Variants in C1QTNF12 observed in about 807,000 individuals in gnomAD.
The protein encoded by C1QTNF12 is adipolin.
A neutral mutation model predicts 34.3 loss-of-function variants in C1QTNF12; 39 were observed. The observed-to-expected ratio is 1.14, with a 90% CI of 0.88 to 1.49. The LOEUF (loss-of-function observed/expected upper bound fraction) is 1.49. Among genes scored for constraint, C1QTNF12 ranks in the 40% most tolerant of loss-of-function variants. The pLI, the probability that C1QTNF12 is intolerant of heterozygous loss-of-function variation, is 0.00. For missense variants in C1QTNF12, 497 were observed against 424.7 expected (o/e 1.17, Z -1.50); for synonymous variants, 220 against 196.9 (o/e 1.12, Z -0.98).
chr1:1,242,749 G>C (rs1638771197), intron 7 of C1QTNF12, 86 bp downstream of exon 7: 2 of 1,563,930 alleles, frequency 1.3e-6, no homozygotes, highest in Non-Finnish European at 1.8e-6. Flanking sequence ...AGGCCCCAGA[G>C]GTCTGCGCCC....
At position 1,246,251 on chromosome 1, in the gene C1QTNF12, GC is replaced by G. The variant is rs1470615497; in HGVS notation, c.177+262del. 6.6e-6 allele frequency among the ~76,000 whole-genome samples: 1 copy of G among 151,602 alleles called. No individual in the cohort carries two copies. The highest frequency in any genetic ancestry group is 1.5e-5 in the Non-Finnish European group (1 of 67,944). ...CCCACGCTTCAAAGGGTTAACTGCG[GC>G]CCCCAACCGCGGGAAGCCCCCTTCA... On this transcript the variant is annotated intron_variant, in intron 1 of 7. Transcript: ENST00000330388. This position sits in a 1 kb window ranked among gnomAD's most constrained non-coding sequence, Gnocchi z 4.5.
intron 4 of C1QTNF12, 123 bp downstream of exon 4, chr1:1,243,831 C>T (rs1638805920): frequency 5.5e-6 from 7 of 1,276,776 alleles, no homozygotes; most frequent in Non-Finnish European, 7.5e-6. Context: ...CCCTCGCCCT[C>T]CGAGCCCCGC....
Position 1,246,613 on chromosome 1 carries a change from C to T in C1QTNF12, c.78G>A (p.Arg26=), listed in dbSNP as rs1256935934. ...QLVLLGGVGA[R]REAQRTQQPG... ...GCTGCTGCGTCCTCTGTGCCTCCCG[C>T]CGGGCCCCGACGCCCCCGAGGAGCA... The change falls in exon 1 of 8, where the codon CGG becomes CGA. Residue 26 remains arginine, a synonymous_variant. Coordinates refer to ENST00000330388, the MANE Select transcript of C1QTNF12 (RefSeq NM_001014980.3). This position sits in a 1 kb window ranked among gnomAD's most constrained non-coding sequence, Gnocchi z 4.5. 1 of 1,245,616 alleles carries T rather than the reference C, an allele frequency of 8.0e-7. No homozygotes were observed. The allele number at this position is 1,245,616 out of a possible 1,614,324, so 77.2% of individuals were successfully genotyped here.
chr1:1,243,353 G>C, intron 5 of C1QTNF12, 91 bp downstream of exon 5: 1 of 1,267,618 alleles, frequency 7.9e-7, no homozygotes, highest in Non-Finnish European at 1.1e-6. Flanking sequence ...TCCCTAACAG[G>C]ACCCGCACCC....
In C1QTNF12 at chr1:1,244,016, G is replaced by T; in HGVS notation, c.469C>A (p.Arg157=). 1 of 1,599,456 alleles carries T rather than the reference G, an allele frequency of 6.3e-7. No individual in the cohort carries two copies. The highest frequency in any genetic ancestry group is 8.5e-7 in the Non-Finnish European group (1 of 1,174,632). The part of the protein sequence containing the change: ...LRLVGEAFHC[R]LQGPRRVDKR... ...TCCACCCGGCGGGGACCCTGCAGCCGGCAGTGAAAGGCCTCGCCCACCAGC... is the reference window on the plus strand; with the variant it reads ...TCCACCCGGCGGGGACCCTGCAGCCTGCAGTGAAAGGCCTCGCCCACCAGC... Residue 157 remains arginine, a synonymous_variant, in exon 4 of 8, where the codon CGG becomes AGG. Transcript: ENST00000330388.
At chr1:1,244,338 C>T in intron 2 of C1QTNF12, 43 bp downstream of exon 2, 1 of 1,597,630 alleles carries the variant, frequency 6.3e-7, no homozygotes, top group Non-Finnish European at 8.6e-7. Flanking sequence ...CCACCACACC[C>T]TGTCCGGGGC....
chr1:1,247,070 G>A (rs891115146), upstream of C1QTNF12, among the ~76,000 whole-genome samples: 4 of 152,102 alleles, frequency 2.6e-5, no homozygotes, highest in African/African-American at 9.7e-5. Context: ...ACTGACCCCG[G>A]CCGCTGCTTC....
Position 1,242,997 on chromosome 1 carries a change from G to A in C1QTNF12, c.731+65C>T, listed in dbSNP as rs1638778869. ...GCTCCAGTGCCCAGAGACCCCTGTG[G>A]CCTGTGAGCCCCTCCAAGGGTGGTC... On this transcript the variant is annotated intron_variant, in intron 6 of 7. Coordinates refer to ENST00000330388, the MANE Select transcript of C1QTNF12 (RefSeq NM_001014980.3). 16 of 1,555,872 alleles carry A rather than the reference G, an allele frequency of 1.0e-5. No homozygotes were observed. The South Asian group carries it at 1.2e-4, about 11-fold the overall frequency.
In C1QTNF12 at chr1:1,246,549, C is replaced by T; in HGVS notation, c.142G>A (p.Ala48Thr). The T allele has an allele frequency of 2.4e-6, 3 of 1,238,974 alleles. No homozygotes were observed. Among genetic ancestry groups the T allele is most frequent in the Non-Finnish European group, 3.0e-6 (3 of 991,308 alleles). The allele number at this position is 1,238,974 out of a possible 1,614,324, so 76.7% of individuals were successfully genotyped here. A position where few individuals can be genotyped will look rare whatever the true frequency, so the allele number is the denominator to read the frequency against. Residue 48 changes from alanine (A) to threonine (T), a missense_variant, in exon 1 of 8, where the codon GCG becomes ACG. Coordinates refer to ENST00000330388, the MANE Select transcript of C1QTNF12 (RefSeq NM_001014980.3). This position sits in a 1 kb window ranked among gnomAD's most constrained non-coding sequence, Gnocchi z 4.5. ...RADPPNATAS[A>T]SSREGLPEAP... Reference sequence around the variant, plus strand: ...TCGGGCAGCCCCTCGCGGGAGGACGCGCTGGCGGTGGCGTTGGGGGGATCT... The same window carrying T: ...TCGGGCAGCCCCTCGCGGGAGGACGTGCTGGCGGTGGCGTTGGGGGGATCT...
chr1:1,242,529 C>A lies in C1QTNF12; in HGVS notation c.*19G>T, dbSNP rs1174444913. On this transcript the variant is annotated 3_prime_UTR_variant, in exon 8 of 8. Transcript: ENST00000330388. ...CCCGGGATCCGGCGGCAGCTCCTCG[C>A]CAGCCCCCCTGGGCGCCCTCACGTG... The A allele has an allele frequency of 1.3e-6, 2 of 1,544,556 alleles. No individual in the cohort carries two copies. The highest frequency in any genetic ancestry group is 4.0e-5 in the Admixed American group (2 of 50,278).
At chr1:1,246,752 G>T (rs1045879429), upstream of C1QTNF12, 5 of 1,174,858 alleles carry the variant, frequency 4.3e-6, no homozygotes, top group South Asian at 2.1e-4. This position sits in a 1 kb window ranked among gnomAD's most constrained non-coding sequence, Gnocchi z 4.5. Flanking sequence ...TCATGGGGAC[G>T]GCCGGCGCTC....
intron 5 of C1QTNF12, 114 bp downstream of exon 5, chr1:1,243,330 G>A: frequency 9.0e-7 from 1 of 1,113,188 alleles, no homozygotes; most frequent in Non-Finnish European, 1.3e-6. Context: ...CCCCCCATGG[G>A]GCAGGGGATA....
chr1:1,244,383 G>T lies in C1QTNF12; in HGVS notation c.292C>A (p.Pro98Thr). 6.2e-7 allele frequency: 1 copy of T among 1,611,056 alleles called. No homozygotes were observed. Among genetic ancestry groups the T allele is most frequent in the Non-Finnish European group, 8.5e-7 (1 of 1,178,866 alleles). Residue 98 changes from proline (P) to threonine (T), a missense_variant and splice_region_variant, in exon 2 of 8, where the codon CCG becomes ACG. Coordinates refer to ENST00000330388, the MANE Select transcript of C1QTNF12 (RefSeq NM_001014980.3). Reference sequence around the variant, plus strand: ...GCAGCAGCCCGGGCGGGGCTCACCGGCTTCTTGTCCCTGCTTCCGCACCGC... The same window carrying T: ...GCAGCAGCCCGGGCGGGGCTCACCGTCTTCTTGTCCCTGCTTCCGCACCGC... ...RKRCGSRDKK[P>T]RDLFGPPGPP...
chr1:1,243,958 T>C lies in C1QTNF12; in HGVS notation c.527A>G (p.Gln176Arg), dbSNP rs774076491. Residue 176 changes from glutamine to arginine, a missense_variant, in exon 4 of 8, where the codon CAG (glutamine) becomes CGG (arginine). Coordinates refer to ENST00000330388, the MANE Select transcript of C1QTNF12 (RefSeq NM_001014980.3). ...TAAGCTCCCGGCTCCACTCACAGCCTGGAAACCATGCAGCTCCACCAGCGT... is the reference window on the plus strand; with the variant it reads ...TAAGCTCCCGGCTCCACTCACAGCCCGGAAACCATGCAGCTCCACCAGCGT... ...KRTLVELHGF[Q>R]APAAQGAFLR... 1.2e-6 allele frequency: 2 copies of C among 1,608,274 alleles called. No individual in the cohort carries two copies. Among genetic ancestry groups the C allele is most frequent in the Non-Finnish European group, 1.7e-6 (2 of 1,178,076 alleles).
rs753168680 is a variant in C1QTNF12 at position 1,242,514 on chromosome 1, G to T, written c.*34C>A. 1 of 1,505,998 alleles carries T rather than the reference G, an allele frequency of 6.6e-7. No homozygotes were observed. Among genetic ancestry groups the T allele is most frequent in the Non-Finnish European group, 9.0e-7 (1 of 1,110,838 alleles). The allele number at this position is 1,505,998 out of a possible 1,614,324, so 93.3% of individuals were successfully genotyped here. On this transcript the variant is annotated 3_prime_UTR_variant, in exon 8 of 8. Transcript: ENST00000330388. The stretch of plus-strand genomic sequence containing the variant: ...ATCAGTAGGAGGGTCCCCGGGATCC[G>T]GCGGCAGCTCCTCGCCAGCCCCCCT...
Position 1,243,448 on chromosome 1 carries a change from G to C in C1QTNF12, c.636C>G (p.His212Gln), listed in dbSNP as rs776235459. The C allele has an allele frequency of 1.9e-6, 3 of 1,554,112 alleles. No homozygotes were observed. The African/African-American group carries it at 4.1e-5, about 21-fold the overall frequency. The change falls in exon 5 of 8, where the codon CAC becomes CAG. Residue 212 changes from histidine (H) to glutamine (Q), a missense_variant. Coordinates refer to ENST00000330388, the MANE Select transcript of C1QTNF12 (RefSeq NM_001014980.3). The stretch of plus-strand genomic sequence containing the variant: ...GCACTGCCCCATCCGGCTCACCCAC[G>C]TGCAGACTGGCAGAGAACTGGAAGA... Reference protein sequence around the residue: ...SGIFQFSASLHVDHSELQGKA... With the variant: ...SGIFQFSASLQVDHSELQGKA...
chr1:1,244,234 C>T lies in C1QTNF12; in HGVS notation c.336G>A (p.Val112=). The change falls in exon 3 of 8, where the codon GTG becomes GTA. Residue 112 remains valine (V), a synonymous_variant. Transcript: ENST00000330388. The stretch of plus-strand genomic sequence containing the variant: ...ACTCGTGAAGCAGAGTCTCCGCGGT[C>T]ACTTCTGCACCTGGAGGTCCTGGGG... ...FGPPGPPGAE[V]TAETLLHEFQ... is the part of the protein sequence containing the mutation. The T allele has an allele frequency of 6.3e-7, 1 of 1,596,844 alleles. No homozygotes were observed. Among genetic ancestry groups the T allele is most frequent in the Non-Finnish European group, 8.5e-7 (1 of 1,171,762 alleles).
Position 1,242,899 on chromosome 1 carries a change from A to T in C1QTNF12, c.746T>A (p.Val249Asp), listed in dbSNP as rs1477897392. Residue 249 changes from valine (V) to aspartate (D), a missense_variant, in exon 7 of 8, where the codon GTC becomes GAC. Coordinates refer to ENST00000330388, the MANE Select transcript of C1QTNF12 (RefSeq NM_001014980.3). The part of the protein sequence containing the change: ...LCQRHTCLEA[V>D]SGLESNSRVF... ...CCTGCTGTTGCTCTCCAGGCCTGAG[A>T]CGGCCTCCAGGCACCTGAACACAGC... is the stretch of plus-strand genomic sequence containing the variant. The T allele has an allele frequency of 1.2e-6, 2 of 1,612,340 alleles. No individual in the cohort carries two copies. Among genetic ancestry groups the T allele is most frequent in the East Asian group, 4.5e-5 (2 of 44,860 alleles).
Position 1,244,031 on chromosome 1 carries a change from C to T in C1QTNF12, c.454G>A (p.Glu152Lys), listed in dbSNP as rs765602821. The T allele has an allele frequency of 5.0e-6, 8 of 1,594,842 alleles. No homozygotes were observed. Among genetic ancestry groups the T allele is most frequent in the East Asian group, 4.6e-5 (2 of 43,720 alleles). Residue 152 changes from glutamate (E) to lysine (K), a missense_variant, in exon 4 of 8, where the codon GAG (glutamate) becomes AAG (lysine). Transcript: ENST00000330388. Reference sequence around the variant, plus strand: ...CCCTGCAGCCGGCAGTGAAAGGCCTCGCCCACCAGCCGCAGGCCCGCCCCC... The same window carrying T: ...CCCTGCAGCCGGCAGTGAAAGGCCTTGCCCACCAGCCGCAGGCCCGCCCCC... ...PQGAGLRLVG[E>K]AFHCRLQGPR...
Sources: allele counts gnomAD v4.1 joint callset (sites outside exome capture counted in the v4.1 genomes callset), GRCh38; gene constraint gnomAD v4.1.1; non-coding constraint Gnocchi (gnomAD v3.1); transcripts MANE v1.5; gene names NCBI Gene and HGNC (gene_info 2026-07-23, HGNC 2026-07-21).